Variants in SLC26A7 observed in about 807,000 individuals in gnomAD.
The protein encoded by SLC26A7 is solute carrier family 26 member 7, also known as anion exchange transporter.
SLC26A7 carries 59 observed loss-of-function variants against 82.5 expected under a neutral mutation model. That is an observed-to-expected ratio of 0.72 (90% CI 0.58 to 0.89). The LOEUF (loss-of-function observed/expected upper bound fraction) is 0.89, where lower values mean the gene tolerates loss of function less well. SLC26A7 is among the 40% of genes least tolerant of loss of function. The pLI is 0.00. For missense variants in SLC26A7, 820 were observed against 793.0 expected (o/e 1.03, Z -0.41); for synonymous variants, 271 against 274.3 (o/e 0.99, Z 0.12).
At chr8:91,330,792 A>T (rs1813059662) in intron 5 of SLC26A7, among the ~76,000 whole-genome samples, 1 of 152,208 alleles carries the variant, frequency 6.6e-6, no homozygotes, top group African/African-American at 2.4e-5. Flanking sequence ...AGCTGTTAAC[A>T]TTCCAGATAC....
intron 15 of SLC26A7, among the ~76,000 whole-genome samples, chr8:91,383,180 A>G (rs1814710968): frequency 6.6e-6 from 1 of 152,140 alleles, no homozygotes; most frequent in Non-Finnish European, 1.5e-5. Flanking sequence ...ATGGAGATGA[A>G]GGACTCAGAA....
At chr8:91,291,943 C>T (rs1011168287) in intron 3 of SLC26A7, among the ~76,000 whole-genome samples, 1 of 152,110 alleles carries the variant, frequency 6.6e-6, no homozygotes, top group African/African-American at 2.4e-5. Flanking sequence ...TGTACTTCAC[C>T]AAAGACAGTC....
At chr8:91,238,834 A>G (rs971516959) in intron 2 of SLC26A7, among the ~76,000 whole-genome samples, 2 of 152,026 alleles carry the variant, frequency 1.3e-5, no homozygotes, top group Admixed American at 6.6e-5. Context: ...AATAATAAGA[A>G]CGTTTATAGG....
chr8:91,319,523 C>T (rs1812732113), intron 5 of SLC26A7, among the ~76,000 whole-genome samples: 1 of 152,198 alleles, frequency 6.6e-6, no homozygotes, highest in Non-Finnish European at 1.5e-5. Flanking sequence ...TAGATAATTT[C>T]CTGCTCAATG....
intron 13 of SLC26A7, among the ~76,000 whole-genome samples, chr8:91,364,755 G>A (rs1421246960): frequency 6.6e-6 from 1 of 152,206 alleles, no homozygotes; most frequent in African/African-American, 2.4e-5. Flanking sequence ...GGCTAAACAT[G>A]TACAGAAGTG....
chr8:91,268,943 C>CA lies in SLC26A7; in HGVS notation c.193+19109dup, dbSNP rs11319570. Reference sequence around the variant, plus strand: ...TACCAACTTAATCTTGATCACAAAACAAAAAAAAAACTAACAAAAACAAAC... The same window carrying CA: ...TACCAACTTAATCTTGATCACAAAACAAAAAAAAAAACTAACAAAAACAAAC... On this transcript the variant is annotated intron_variant, in intron 2 of 18. Coordinates refer to ENST00000276609, the MANE Select transcript of SLC26A7 (RefSeq NM_052832.4). Among the ~76,000 whole-genome samples, 343 of 150,528 alleles carry CA rather than the reference C, an allele frequency of 2.3e-3. 2 individuals carry two copies. The highest frequency in any genetic ancestry group is 7.5e-3 in the African/African-American group (310 of 41,260).
chr8:91,283,301 G>A (rs940998574), intron 2 of SLC26A7, among the ~76,000 whole-genome samples: 8 of 152,102 alleles, frequency 5.3e-5, no homozygotes, highest in East Asian at 1.9e-4. Flanking sequence ...AGATGGGGAA[G>A]GGAGAGAGGA....
At chr8:91,339,680 A>G (rs2130839367) in intron 7 of SLC26A7, among the ~76,000 whole-genome samples, 1 of 150,080 alleles carries the variant, frequency 6.7e-6, no homozygotes, top group East Asian at 1.9e-4. Flanking sequence ...TTTTTTGGGT[A>G]AGTCTCCCAA....
chr8:91,286,036 A>C (rs528649983), intron 2 of SLC26A7, among the ~76,000 whole-genome samples: 1 of 152,336 alleles, frequency 6.6e-6, no homozygotes, highest in Admixed American at 6.5e-5. Context: ...TGTGATAAAT[A>C]GTTCACTTTC....
In SLC26A7 at chr8:91,316,988, T is replaced by TAAAAAAAAAAA. The variant is rs61581659; in HGVS notation, c.478-1205_478-1195dup. Among the ~76,000 whole-genome samples the TAAAAAAAAAAA allele has an allele frequency of 4.5e-4, 7 of 15,536 alleles. 1 individual carries two copies. Among genetic ancestry groups the TAAAAAAAAAAA allele is most frequent in the Non-Finnish European group, 5.8e-4 (4 of 6,846 alleles). The allele number at this position is 15,536 out of a possible 152,430, so 10.2% of individuals were successfully genotyped here. ...GGGCAACACAGTGAGACCCTGTCTC[T>TAAAAAAAAAAA]AAAAAAAAAAAAAAAAAAAAAAAAA... is the stretch of plus-strand genomic sequence containing the variant. On this transcript the variant is annotated intron_variant, in intron 4 of 18. Transcript: ENST00000276609.
At chr8:91,354,397 G>C (rs2197810) in intron 11 of SLC26A7, among the ~76,000 whole-genome samples, 59,528 of 151,800 alleles carry the variant, frequency 0.39, 12,509 homozygotes, top group African/African-American at 0.51. Flanking sequence ...AAAAATCAAG[G>C]TATTTGGCAT....
intron 2 of SLC26A7, among the ~76,000 whole-genome samples, chr8:91,238,852 A>G (rs1267975183): frequency 6.6e-6 from 1 of 152,116 alleles, no homozygotes; most frequent in African/African-American, 2.4e-5. Context: ...AGGGTAGAAG[A>G]CGTTGGACGT....
chr8:91,391,010 A>G (rs1814951884), intron 16 of SLC26A7, among the ~76,000 whole-genome samples: 1 of 152,214 alleles, frequency 6.6e-6, no homozygotes, highest in South Asian at 2.1e-4. Context: ...GAAACCAGAC[A>G]TTGACTTTTA....
At chr8:91,313,984 C>T (rs1400286309) in intron 4 of SLC26A7, among the ~76,000 whole-genome samples, 4 of 152,116 alleles carry the variant, frequency 2.6e-5, no homozygotes, top group East Asian at 1.9e-4. Flanking sequence ...TAATGTGGAA[C>T]ATATGGTGTT....
At chr8:91,238,377 A>T (rs1810419909) in intron 2 of SLC26A7, among the ~76,000 whole-genome samples, 1 of 151,946 alleles carries the variant, frequency 6.6e-6, no homozygotes, top group Admixed American at 6.6e-5. Context: ...ATGAGAATGG[A>T]GGTGGGATAT....
chr8:91,323,107 A>G (rs1586409016), intron 5 of SLC26A7, among the ~76,000 whole-genome samples: 1 of 152,184 alleles, frequency 6.6e-6, no homozygotes. Context: ...AATCAAGAAC[A>G]TGCTTTGATG....
At chr8:91,376,510 G>A (rs1230429825) in intron 15 of SLC26A7, among the ~76,000 whole-genome samples, 1 of 152,192 alleles carries the variant, frequency 6.6e-6, no homozygotes, top group Non-Finnish European at 1.5e-5. Context: ...GTTGTGGACA[G>A]CTTCTGTGCA....
chr8:91,294,471 T>C (rs986812974), intron 3 of SLC26A7, among the ~76,000 whole-genome samples: 3 of 152,184 alleles, frequency 2.0e-5, no homozygotes, highest in Non-Finnish European at 2.9e-5. Context: ...CTGTTTCTGT[T>C]TGACTCATGT....
chr8:91,274,354 T>C (rs188554148), intron 2 of SLC26A7, among the ~76,000 whole-genome samples: 372 of 152,328 alleles, frequency 2.4e-3, no homozygotes, highest in African/African-American at 8.6e-3. Flanking sequence ...GGACAGAAAT[T>C]TATTGGCTCA....
Sources: allele counts gnomAD v4.1 joint callset (sites outside exome capture counted in the v4.1 genomes callset), GRCh38; gene constraint gnomAD v4.1.1; transcripts MANE v1.5; gene names NCBI Gene and HGNC (gene_info 2026-07-23, HGNC 2026-07-21).